EPB41L3: variants seen among roughly 807,000 people sequenced by gnomAD.
The protein encoded by EPB41L3 is erythrocyte membrane protein band 4.1 like 3.
Under a neutral mutation model 127.1 loss-of-function variants are expected in EPB41L3, and 57 were observed. That is an observed-to-expected ratio of 0.45 (90% CI 0.36 to 0.56). EPB41L3 has a LOEUF of 0.56. EPB41L3 is among the 20% of genes least tolerant of loss of function. EPB41L3 has a pLI of 0.00. For synonymous variants in EPB41L3, 572 were observed against 549.5 expected (o/e 1.04, Z -0.57); for missense variants, 1,273 against 1,372.2 (o/e 0.93, Z 1.14).
At chr18:5,565,946 G>T (rs1001783154) in intron 3 of EPB41L3, among the ~76,000 whole-genome samples, 1 of 151,814 alleles carries the variant, frequency 6.6e-6, no homozygotes, top group Non-Finnish European at 1.5e-5. Context: ...AATAAATTAG[G>T]TATTGATGGG....
At position 5,428,563 on chromosome 18, in the gene EPB41L3, G is replaced by A. The variant is rs961053639; in HGVS notation, c.913-98C>T. On this transcript the variant is annotated intron_variant, in intron 8 of 22. Transcript: ENST00000341928. ...AGCATCCACGACAGAAACTATAAATGGCTGGTTTACTTATGCAAAATGATG... is the reference window on the plus strand; with the variant it reads ...AGCATCCACGACAGAAACTATAAATAGCTGGTTTACTTATGCAAAATGATG... 6 of 1,425,642 alleles carry A rather than the reference G, an allele frequency of 4.2e-6. No individual in the cohort carries two copies. In the African/African-American group the frequency reaches 7.1e-5, roughly 17 times the overall value. 88.3% of individuals were successfully genotyped at this position (1,425,642 alleles called of 1,614,324 possible). A position where few individuals can be genotyped will look rare whatever the true frequency, so the allele number is the denominator to read the frequency against.
intron 6 of EPB41L3, among the ~76,000 whole-genome samples, chr18:5,436,253 G>C (rs902043460): frequency 3.3e-5 from 5 of 152,052 alleles, no homozygotes; most frequent in African/African-American, 1.2e-4. Context: ...AGGACTATGA[G>C]AAAGTTTAAA....
At chr18:5,443,477 T>G (rs1171284830) in intron 5 of EPB41L3, among the ~76,000 whole-genome samples, 1 of 152,252 alleles carries the variant, frequency 6.6e-6, no homozygotes, top group Non-Finnish European at 1.5e-5. Flanking sequence ...TGACTTGTTA[T>G]TCCTTTTCAA....
chr18:5,395,536 G>C, intron 20 of EPB41L3, 73 bp downstream of exon 20: 1 of 1,401,038 alleles, frequency 7.1e-7, no homozygotes, highest in Non-Finnish European at 1.0e-6. Flanking sequence ...CCCAACCTGT[G>C]AGGAGTTCTG....
chr18:5,502,795 A>T (rs79737592), intron 1 of EPB41L3, among the ~76,000 whole-genome samples: 24,277 of 152,202 alleles, frequency 0.16, 2,023 homozygotes, highest in African/African-American at 0.18. Context: ...TTCTGACCTA[A>T]AATAGGAAAA....
chr18:5,581,200 A>T (rs1304350837), intron 3 of EPB41L3, among the ~76,000 whole-genome samples: 1 of 152,246 alleles, frequency 6.6e-6, no homozygotes, highest in Non-Finnish European at 1.5e-5. Context: ...AAATGTAACC[A>T]GTGTTTAATG....
In EPB41L3 at chr18:5,576,391, T is replaced by C. The variant is rs2094336954; in HGVS notation, c.-306+35949A>G. On this transcript the variant is annotated intron_variant, in intron 3 of 21. Coordinates refer to the EPB41L3 transcript ENST00000545076. ...GTTCCTGTCCAGACATTGACCCTCG[T>C]CCCTCAGGATGAGGCAGGTGACACA... 2.0e-5 allele frequency among the ~76,000 whole-genome samples: 3 copies of C among 152,162 alleles called. No homozygotes were observed. In the South Asian group the frequency reaches 6.2e-4, roughly 32 times the overall value.
chr18:5,559,378 G>A (rs1210993764), intron 3 of EPB41L3, among the ~76,000 whole-genome samples: 1 of 152,132 alleles, frequency 6.6e-6, no homozygotes, highest in Non-Finnish European at 1.5e-5. Context: ...CACCCGCCTT[G>A]CAAGGACAGA....
chr18:5,449,434 A>G (rs1220451819), intron 3 of EPB41L3, among the ~76,000 whole-genome samples: 1 of 152,166 alleles, frequency 6.6e-6, no homozygotes, highest in Non-Finnish European at 1.5e-5. Context: ...TTCTTACAAA[A>G]CTAAACCTAT....
chr18:5,432,716 G>C (rs1158994340), intron 8 of EPB41L3, among the ~76,000 whole-genome samples: 1 of 152,082 alleles, frequency 6.6e-6, no homozygotes, highest in South Asian at 2.1e-4. Context: ...GTATCCTCAC[G>C]ACTGTAACCC....
chr18:5,399,295 C>A, intron 16 of EPB41L3: 1 of 399,076 alleles, frequency 2.5e-6, no homozygotes, highest in Non-Finnish European at 4.4e-6. Flanking sequence ...TTACTGCTCA[C>A]GGTCACCACC....
intron 3 of EPB41L3, among the ~76,000 whole-genome samples, chr18:5,608,249 A>G (rs1405251690): frequency 6.6e-6 from 1 of 152,170 alleles, no homozygotes; most frequent in Non-Finnish European, 1.5e-5. Flanking sequence ...TGACAGTGTG[A>G]CGGGCACACC....
chr18:5,522,570 C>T (rs2093038760), intron 1 of EPB41L3, among the ~76,000 whole-genome samples: 1 of 152,136 alleles, frequency 6.6e-6, no homozygotes, highest in African/African-American at 2.4e-5. Flanking sequence ...GAAATTTCAT[C>T]TTTTTCTACT....
At chr18:5,487,724 A>G (rs1029489928) in intron 2 of EPB41L3, among the ~76,000 whole-genome samples, 7 of 151,884 alleles carry the variant, frequency 4.6e-5, no homozygotes, top group African/African-American at 1.7e-4. Context: ...TAAGCCTCCC[A>G]AAAGTCCTGG....
At position 5,409,424 on chromosome 18, in the gene EPB41L3, T is replaced by C. The variant is rs2075912410; in HGVS notation, c.2121+1142A>G. Among the ~76,000 whole-genome samples, 4 of 152,276 alleles carry C rather than the reference T, an allele frequency of 2.6e-5. No homozygotes were observed. In the South Asian group the frequency reaches 8.3e-4, roughly 32 times the overall value. On this transcript the variant is annotated intron_variant, in intron 14 of 22. Transcript: ENST00000341928. ...ACTCTTATAAAATCAAGGTGTAGCT[T>C]TGTTATAGTTGGCAAAGAAAATTAC...
intron 3 of EPB41L3, among the ~76,000 whole-genome samples, chr18:5,601,683 A>C (rs1392089288): frequency 6.6e-6 from 1 of 152,220 alleles, no homozygotes; most frequent in Non-Finnish European, 1.5e-5. Context: ...GATAAGCATG[A>C]AGGCAGTTAG....
At chr18:5,508,141 C>T (rs1248918186) in intron 1 of EPB41L3, 1 of 152,106 alleles carries the variant, frequency 6.6e-6, no homozygotes, top group Admixed American at 6.6e-5. Flanking sequence ...CATCAAGGAA[C>T]TACAAGTATA....
At chr18:5,436,852 A>C (rs9963430) in intron 6 of EPB41L3, among the ~76,000 whole-genome samples, 13,128 of 152,266 alleles carry the variant, frequency 0.086, 672 homozygotes, top group Non-Finnish European at 0.12. Context: ...CAATATAAAA[A>C]ATCCTCTGGA....
At chr18:5,529,800 T>A (rs2093351386) in intron 1 of EPB41L3, among the ~76,000 whole-genome samples, 1 of 152,174 alleles carries the variant, frequency 6.6e-6, no homozygotes, top group Admixed American at 6.5e-5. Flanking sequence ...TCTTGATCTT[T>A]GAGCTGGACC....
Sources: gnomAD v4.1 joint callset for allele counts (sites outside exome capture counted in the v4.1 genomes callset) on GRCh38, gnomAD v4.1.1 for gene constraint, MANE v1.5 for transcripts, NCBI Gene and HGNC (gene_info 2026-07-23, HGNC 2026-07-21) for gene names.